Variants in CYREN observed in about 807,000 individuals in gnomAD.
CYREN encodes cell cycle regulator of NHEJ.
In CYREN, 7 loss-of-function variants were observed where a neutral mutation model predicts 9.7. The observed-to-expected ratio is 0.72, with a 90% CI of 0.41 to 1.36. CYREN has a LOEUF of 1.36. Ranked by LOEUF, CYREN falls within the 40% of genes most tolerant of loss-of-function variation. The pLI, the probability that CYREN is intolerant of heterozygous loss-of-function variation, is 0.01. For synonymous variants in CYREN, 76 were observed against 77.9 expected, an observed-to-expected ratio of 0.98 and a Z score of 0.13; for missense variants, 215 against 198.1, an observed-to-expected ratio of 1.09 and a Z score of -0.51.
At chr7:135,136,702 A>C (rs1452142725) in intron 2 of CYREN, among the ~76,000 whole-genome samples, 1 of 152,050 alleles carries the variant, frequency 6.6e-6, no homozygotes, top group Non-Finnish European at 1.5e-5. Flanking sequence ...ACAAAAGCCT[A>C]AACTCTGGGA....
At chr7:135,127,089 G>A (rs1232054595) in intron 2 of CYREN, among the ~76,000 whole-genome samples, 4 of 152,136 alleles carry the variant, frequency 2.6e-5, no homozygotes, top group African/African-American at 9.7e-5. Flanking sequence ...GCAACCTACA[G>A]AATGGGAGAA....
downstream of CYREN, among the ~76,000 whole-genome samples, chr7:135,163,860 TGAGCTTCA>T (rs779790526): frequency 3.3e-5 from 5 of 152,218 alleles, no homozygotes; most frequent in Admixed American, 6.5e-5. Flanking sequence ...CACCTTCGAA[TGAGCTTCA>T]GAGCTTCAGA....
intron 1 of CYREN, chr7:135,170,395 C>G (rs570375799): frequency 1.3e-5 from 2 of 152,432 alleles, no homozygotes; most frequent in Admixed American, 6.5e-5. Flanking sequence ...CTGGCGGCGC[C>G]GACCTGTGGG....
chr7:135,169,502 A>G (rs1261817262), intron 1 of CYREN: 1 of 152,246 alleles, frequency 6.6e-6, no homozygotes, highest in East Asian at 1.9e-4. Flanking sequence ...AACTGAGGGC[A>G]TTTTATTTCA....
At chr7:135,148,938 C>T (rs116387203) in intron 2 of CYREN, among the ~76,000 whole-genome samples, 77 of 152,158 alleles carry the variant, frequency 5.1e-4, no homozygotes, top group African/African-American at 1.6e-3. Context: ...TATGCTTCTT[C>T]GCCTATAAAA....
At chr7:135,165,076 G>A (rs1830059720), downstream of CYREN, 23 of 1,474,720 alleles carry the variant, frequency 1.6e-5, 1 homozygote, top group South Asian at 3.2e-4. Context: ...TCATTTTACA[G>A]CTAACGCTGA....
chr7:135,167,595 T>C (rs1830263891), intron 3 of CYREN, 137 bp downstream of exon 3: 3 of 1,473,842 alleles, frequency 2.0e-6, no homozygotes, highest in South Asian at 2.8e-5. Flanking sequence ...ATGGCCGAGA[T>C]AAGAGCAAGG....
Position 135,167,412 on chromosome 7 carries a change from T to G in CYREN, c.213+320A>C, listed in dbSNP as rs1180506032. On this transcript the variant is annotated intron_variant, in intron 3 of 3. Coordinates refer to ENST00000393114, the MANE Select transcript of CYREN (RefSeq NM_024033.4). ...AGTCATCTACCCAACTGGGAACCTT[T>G]CCAAGAACACAAACAGGTAAACGCT... 2.6e-6 allele frequency: 3 copies of G among 1,166,626 alleles called. No individual in the cohort carries two copies. In the African/African-American group the frequency reaches 4.8e-5, roughly 19 times the overall value. 72.3% of individuals were successfully genotyped at this position (1,166,626 alleles called of 1,614,324 possible). A position where few individuals can be genotyped will look rare whatever the true frequency, so the allele number is the denominator to read the frequency against.
intron 2 of CYREN, among the ~76,000 whole-genome samples, chr7:135,111,968 A>T (rs1025283850): frequency 1.7e-4 from 26 of 151,760 alleles, no homozygotes; most frequent in African/African-American, 6.3e-4. Flanking sequence ...CAATGTGTCC[A>T]CTTCCGATCT....
upstream of CYREN, among the ~76,000 whole-genome samples, chr7:135,171,603 C>T (rs1830659667): frequency 6.6e-6 from 1 of 152,226 alleles, no homozygotes; most frequent in African/African-American, 2.4e-5. Flanking sequence ...GTGTTGTGAG[C>T]TCTTAAAAGC....
At chr7:135,129,454 G>A (rs1828424348) in intron 2 of CYREN, 1 of 779,232 alleles carries the variant, frequency 1.3e-6, no homozygotes, top group Non-Finnish European at 2.4e-6. Context: ...AGTAAGGAGT[G>A]GCTAGAGAAA....
At chr7:135,144,938 T>TAAAAAAAAAAAAAAAAAAA (rs58443282) in intron 2 of CYREN, among the ~76,000 whole-genome samples, 3 of 45,618 alleles carry the variant, frequency 6.6e-5, no homozygotes, top group Non-Finnish European at 1.1e-4. Context: ...CTCAAAAGAG[T>TAAAAAAAAAAAAAAAAAAA]AAAAAAAAAA....
intron 2 of CYREN, among the ~76,000 whole-genome samples, chr7:135,102,096 C>A (rs1823925162): frequency 6.6e-6 from 1 of 152,162 alleles, no homozygotes; most frequent in South Asian, 2.1e-4. Flanking sequence ...ATAAATTACC[C>A]AGTCTGGAGA....
chr7:135,115,416 G>C (rs537794368), intron 2 of CYREN: 2 of 1,551,134 alleles, frequency 1.3e-6, no homozygotes, highest in South Asian at 2.4e-5. Flanking sequence ...ATAAAAGAAT[G>C]CATATCTTTC....
intron 2 of CYREN, among the ~76,000 whole-genome samples, chr7:135,157,085 G>C (rs1829814029): frequency 6.6e-6 from 1 of 152,160 alleles, no homozygotes; most frequent in South Asian, 2.1e-4. Flanking sequence ...CCCAGTCTCA[G>C]GTATGTCTTT....
At chr7:135,141,596 T>A (rs1040901641) in intron 2 of CYREN, among the ~76,000 whole-genome samples, 1 of 152,088 alleles carries the variant, frequency 6.6e-6, no homozygotes, top group Non-Finnish European at 1.5e-5. Context: ...TCTTCTAGCT[T>A]TGGGGTCGGT....
At chr7:135,141,207 G>C (rs1191289169) in intron 2 of CYREN, among the ~76,000 whole-genome samples, 1 of 151,860 alleles carries the variant, frequency 6.6e-6, no homozygotes. Context: ...CTGGTTGGTA[G>C]GTTTTTATTA....
At chr7:135,122,518 C>A (rs1036972108) in intron 2 of CYREN, among the ~76,000 whole-genome samples, 1 of 152,084 alleles carries the variant, frequency 6.6e-6, no homozygotes, top group Non-Finnish European at 1.5e-5. Flanking sequence ...CGAAGCACAC[C>A]CCCCCAACCA....
intron 2 of CYREN, among the ~76,000 whole-genome samples, chr7:135,122,281 G>A (rs1160247057): frequency 6.6e-6 from 1 of 152,228 alleles, no homozygotes; most frequent in Admixed American, 6.5e-5. Flanking sequence ...TGTGGCCAGA[G>A]TGCCTCTTCA....
Sources: gnomAD v4.1 joint callset for allele counts (sites outside exome capture counted in the v4.1 genomes callset) on GRCh38, gnomAD v4.1.1 for gene constraint, MANE v1.5 for transcripts, NCBI Gene and HGNC (gene_info 2026-07-23, HGNC 2026-07-21) for gene names.